The following TMEM184A variants were observed in gnomAD, a reference collection of about 807,000 sequenced individuals.
The protein encoded by TMEM184A is sexually dimorphic, expressed in male gonads 1.
Under a neutral mutation model 39.5 loss-of-function variants are expected in TMEM184A, and 40 were observed. The observed-to-expected ratio is 1.01, with a 90% CI of 0.79 to 1.32. The LOEUF is 1.32. Ranked by LOEUF, TMEM184A falls within the 40% of genes most tolerant of loss-of-function variation. TMEM184A has a pLI of 0.00. For synonymous variants in TMEM184A, 280 were observed against 252.3 expected, an observed-to-expected ratio of 1.11 and a Z score of -1.04; for missense variants, 603 against 568.8, an observed-to-expected ratio of 1.06 and a Z score of -0.61.
Position 1,547,642 on chromosome 7 carries a change from G to A in TMEM184A, c.1012+100C>T, listed in dbSNP as rs536215627. 381 of 1,285,088 alleles carry A rather than the reference G, an allele frequency of 3.0e-4. 1 individual carries two copies. The African/African-American group carries it at 4.2e-3, about 14-fold the overall frequency. 79.6% of individuals were successfully genotyped at this position (1,285,088 alleles called of 1,614,324 possible). A position where few individuals can be genotyped will look rare whatever the true frequency, so the allele number is the denominator to read the frequency against. On this transcript the variant is annotated intron_variant, in intron 8 of 8. Transcript: ENST00000297477. ...CCCTTTGCCCGTCTCCCTGCCCAGC[G>A]AGCTGGCATTCCTGGGCCTCGAGAA...
At chr7:1,550,784 C>T (rs374337429) in intron 3 of TMEM184A, 33 bp downstream of exon 3, 171 of 1,608,040 alleles carry the variant, frequency 1.1e-4, no homozygotes, top group Admixed American at 1.7e-4. Context: ...TCTCTCCCTC[C>T]GCTCCCCCGA....
rs1214908460 is a variant in TMEM184A, at chr7:1,555,851, T to C, written c.-1+263A>G. 3 of 324,452 alleles carry C rather than the reference T, an allele frequency of 9.2e-6. No homozygotes were observed. Among genetic ancestry groups the C allele is most frequent in the Middle Eastern group, 9.9e-4 (1 of 1,006 alleles). 20.1% of individuals were successfully genotyped at this position (324,452 alleles called of 1,614,324 possible). ...TGCCGCCCTGCCTGCCCGGGAGGGC[T>C]GGGGAGCGGGCGCAGACCAGCACTG... On this transcript the variant is annotated intron_variant, in intron 1 of 8. Coordinates refer to ENST00000297477, the MANE Select transcript of TMEM184A (RefSeq NM_001097620.2). This position sits in a 1 kb window ranked among gnomAD's most constrained non-coding sequence, Gnocchi z 5.2.
chr7:1,548,717 C>T (rs760123780), intron 6 of TMEM184A, 29 bp from the exon 7 acceptor site: 53 of 1,582,922 alleles, frequency 3.3e-5, no homozygotes, highest in East Asian at 4.6e-5. Flanking sequence ...GTGGTCAGGG[C>T]GGTCCCATGA....
rs1290231590 is a variant in TMEM184A at position 1,549,847 on chromosome 7, G to A, written c.644+7C>T. The A allele has an allele frequency of 6.9e-6, 11 of 1,593,718 alleles. No homozygotes were observed. Among genetic ancestry groups the A allele is most frequent in the South Asian group, 1.1e-5 (1 of 88,322 alleles). ...CATGCCAGGTGTCCCCGCAGCTCCC[G>A]CCTTACTTGAAGTCCCCGTCGTGGT... On this transcript the variant is annotated splice_region_variant and intron_variant, in intron 6 of 8. Coordinates refer to ENST00000297477, the MANE Select transcript of TMEM184A (RefSeq NM_001097620.2).
chr7:1,547,381 C>A (rs1445881763), intron 8 of TMEM184A, among the ~76,000 whole-genome samples, 200 bp from the exon 9 acceptor site: 1 of 152,158 alleles, frequency 6.6e-6, no homozygotes, highest in African/African-American at 2.4e-5. Flanking sequence ...AGACCCCTGA[C>A]AAGGACCACG....
Position 1,549,873 on chromosome 7 carries a change from A to G in TMEM184A, c.625T>C (p.Tyr209His), listed in dbSNP as rs778041426. The change falls in exon 6 of 9, where the codon TAC becomes CAC. Residue 209 changes from tyrosine to histidine, a missense_variant. By Grantham distance (83) the Tyr-to-His change is moderately conservative. Transcript: ENST00000297477. ...TTIILQAFGKYHDGDFNVRSG... is the reference protein window; with the variant it reads ...TTIILQAFGKHHDGDFNVRSG... ...CCTTACTTGAAGTCCCCGTCGTGGT[A>G]TTTGCCAAATGCCTGGAGGATGATG... 6.2e-7 allele frequency: 1 copy of G among 1,609,564 alleles called. No individual in the cohort carries two copies. The highest frequency in any genetic ancestry group is 8.5e-7 in the Non-Finnish European group (1 of 1,177,786).
rs1175137084 is a variant in TMEM184A, at chr7:1,546,860, C to T, written c.*92G>A. The stretch of plus-strand genomic sequence containing the variant: ...AGGTGGGCTCTCAGGAGAGGCCCCA[C>T]CTTTGGCAGGAGTTGGTGGGTGGGG... On this transcript the variant is annotated 3_prime_UTR_variant, in exon 9 of 9. Coordinates refer to ENST00000297477, the MANE Select transcript of TMEM184A (RefSeq NM_001097620.2). 2 of 887,804 alleles carry T rather than the reference C, an allele frequency of 2.3e-6. No homozygotes were observed. Among genetic ancestry groups the T allele is most frequent in the Non-Finnish European group, 3.3e-6 (2 of 603,546 alleles). The allele number at this position is 887,804 out of a possible 1,614,324, so 55.0% of individuals were successfully genotyped here.
In TMEM184A at chr7:1,546,880, G is replaced by GT; in HGVS notation, c.*71dup. ...CCCCACCTTTGGCAGGAGTTGGTGG[G>GT]TGGGGGGACCCTGTTCTTCCCCAGA... On this transcript the variant is annotated 3_prime_UTR_variant, in exon 9 of 9. Coordinates refer to ENST00000297477, the MANE Select transcript of TMEM184A (RefSeq NM_001097620.2). 9.2e-7 allele frequency: 1 copy of GT among 1,090,738 alleles called. No homozygotes were observed. The highest frequency in any genetic ancestry group is 2.7e-5 in the East Asian group (1 of 37,374). 67.6% of individuals were successfully genotyped at this position (1,090,738 alleles called of 1,614,324 possible). A position where few individuals can be genotyped will look rare whatever the true frequency, so the allele number is the denominator to read the frequency against.
At chr7:1,548,423 A>G in intron 7 of TMEM184A, 96 bp downstream of exon 7, 1 of 1,384,772 alleles carries the variant, frequency 7.2e-7, no homozygotes. Flanking sequence ...AAACTGAAGC[A>G]CGTGGGGGCT....
intron 3 of TMEM184A, 34 bp from the exon 4 acceptor site, chr7:1,550,429 C>T: frequency 2.6e-6 from 4 of 1,562,554 alleles, no homozygotes; most frequent in East Asian, 2.3e-5. Context: ...CGGCTGTGAG[C>T]CCTGAGCTGC....
rs937477929 is a variant in TMEM184A at position 1,547,905 on chromosome 7, G to A, written c.849C>T (p.Val283=). 6 of 1,589,888 alleles carry A rather than the reference G, an allele frequency of 3.8e-6. No individual in the cohort carries two copies. The highest frequency in any genetic ancestry group is 5.1e-6 in the Non-Finnish European group (6 of 1,168,982). ...LLLAILERCG[V]IPEVETSGGN... ...CGCCGCTGGTCTCCACCTCCGGGAT[G>A]ACCCCGCACCGCTCCAGGATGGCCA... The change falls in exon 8 of 9, where the codon GTC becomes GTT. Residue 283 remains valine (V), a synonymous_variant. Coordinates refer to ENST00000297477, the MANE Select transcript of TMEM184A (RefSeq NM_001097620.2).
chr7:1,555,659 C>G lies in TMEM184A; in HGVS notation c.1-175G>C. The G allele has an allele frequency of 1.5e-6, 1 of 652,514 alleles. No individual in the cohort carries two copies. The highest frequency in any genetic ancestry group is 1.7e-5 in the South Asian group (1 of 59,484). The allele number at this position is 652,514 out of a possible 1,614,324, so 40.4% of individuals were successfully genotyped here. The stretch of plus-strand genomic sequence containing the variant: ...CGCCAGGCCCGGCTCCCTCCCTGCT[C>G]CGAGCTCAGCCATCGAAGCTCACCC... On this transcript the variant is annotated intron_variant, in intron 1 of 8. Transcript: ENST00000297477. The surrounding 1 kb of genome is among the most constrained non-coding windows in gnomAD (Gnocchi z 5.2).
chr7:1,552,002 A>T (rs1214664091), intron 2 of TMEM184A, among the ~76,000 whole-genome samples: 1 of 149,802 alleles, frequency 6.7e-6, no homozygotes, highest in Non-Finnish European at 1.5e-5. Context: ...TTTTTGAGAC[A>T]GGGTCTCGCT....
chr7:1,547,999 G>A, intron 7 of TMEM184A, 60 bp from the exon 8 acceptor site: 1 of 1,514,022 alleles, frequency 6.6e-7, no homozygotes, highest in South Asian at 1.2e-5. Flanking sequence ...GGAGGAAGAG[G>A]CCCCAGACCC....
In TMEM184A at chr7:1,555,855, G is replaced by A. The variant is rs993892886; in HGVS notation, c.-1+259C>T. ...GCCCTGCCTGCCCGGGAGGGCTGGG[G>A]AGCGGGCGCAGACCAGCACTGCCTG... is the stretch of plus-strand genomic sequence containing the variant. On this transcript the variant is annotated intron_variant, in intron 1 of 8. Transcript: ENST00000297477. This position sits in a 1 kb window ranked among gnomAD's most constrained non-coding sequence, Gnocchi z 5.2. 6.2e-6 allele frequency: 2 copies of A among 323,654 alleles called. No individual in the cohort carries two copies. The highest frequency in any genetic ancestry group is 1.2e-5 in the Non-Finnish European group (2 of 172,022). The allele number at this position is 323,654 out of a possible 1,614,324, so 20.0% of individuals were successfully genotyped here. A position where few individuals can be genotyped will look rare whatever the true frequency, so the allele number is the denominator to read the frequency against.
At chr7:1,552,017 C>A (rs1230996390) in intron 2 of TMEM184A, among the ~76,000 whole-genome samples, 2 of 151,734 alleles carry the variant, frequency 1.3e-5, no homozygotes, top group Non-Finnish European at 2.9e-5. Flanking sequence ...CTCGCTCTGT[C>A]GCCCAGACTG....
At chr7:1,551,259 AGGTGGGGGTG>A (rs1784584309) in intron 2 of TMEM184A, among the ~76,000 whole-genome samples, 1 of 105,984 alleles carries the variant, frequency 9.4e-6, no homozygotes, top group Non-Finnish European at 1.9e-5. Context: ...GCCGGGAAGG[AGGTGGGGGTG>A]GGCGCAGGAG....
chr7:1,543,551 C>A lies in TMEM184A; in HGVS notation c.*3401G>T. ...GCCTGCCCGCATGCCGTCCCCACCC[C>A]GCCCGGCCTTCCCCGTTTTTGGGGC... On this transcript the variant is annotated 3_prime_UTR_variant, in exon 9 of 9. Transcript: ENST00000297477. The A allele has an allele frequency of 6.6e-6, 1 of 152,546 alleles. No homozygotes were observed. 9.4% of individuals were successfully genotyped at this position (152,546 alleles called of 1,614,324 possible).
chr7:1,547,251 A>G, intron 8 of TMEM184A, 70 bp from the exon 9 acceptor site: 1 of 883,104 alleles, frequency 1.1e-6, no homozygotes, highest in South Asian at 1.6e-5. Context: ...GTCCCCTCCC[A>G]GGATGCCCAG....
Sources: gnomAD v4.1 joint callset for allele counts (sites outside exome capture counted in the v4.1 genomes callset) on GRCh38, gnomAD v4.1.1 for gene constraint, Gnocchi (gnomAD v3.1) non-coding constraint, MANE v1.5 for transcripts, NCBI Gene and HGNC (gene_info 2026-07-23, HGNC 2026-07-21) for gene names.